TMEM132D: variants seen among roughly 807,000 people sequenced by gnomAD.
TMEM132D encodes the protein mature OL transmembrane protein.
A neutral mutation model predicts 62.3 loss-of-function variants in TMEM132D; 21 were observed. The observed-to-expected ratio is 0.34, with a 90% CI of 0.24 to 0.49. The LOEUF (loss-of-function observed/expected upper bound fraction) is 0.49. Ranked by LOEUF, TMEM132D falls within the 20% of genes least tolerant of loss-of-function variation. The pLI, the probability that TMEM132D is intolerant of heterozygous loss-of-function variation, is 0.99. For synonymous variants in TMEM132D, 621 were observed against 575.6 expected (o/e 1.08, Z -1.13); for missense variants, 1,346 against 1,402.8 (o/e 0.96, Z 0.65).
intron 4 of TMEM132D, among the ~76,000 whole-genome samples, chr12:129,320,939 C>CA (rs1198673012): frequency 6.7e-6 from 1 of 149,248 alleles, no homozygotes; most frequent in Non-Finnish European, 1.5e-5. Flanking sequence ...GAAAGCGAGC[C>CA]ACCCACTAGA....
chr12:129,694,385 C>T (rs977842039), intron 2 of TMEM132D, among the ~76,000 whole-genome samples: 5 of 152,146 alleles, frequency 3.3e-5, no homozygotes, highest in Non-Finnish European at 5.9e-5. Context: ...GCCACCAAAA[C>T]CAAAGAAAGT....
intron 3 of TMEM132D, among the ~76,000 whole-genome samples, chr12:129,368,872 C>A (rs1870509459): frequency 6.6e-6 from 1 of 152,094 alleles, no homozygotes; most frequent in African/African-American, 2.4e-5. Flanking sequence ...AAAACAAGTT[C>A]TTTGCCTGAT....
At position 129,269,679 on chromosome 12, in the gene TMEM132D, AC is replaced by A. The variant is rs1220199032; in HGVS notation, c.1300-60017del. On this transcript the variant is annotated intron_variant, in intron 4 of 8. Coordinates refer to ENST00000422113, the MANE Select transcript of TMEM132D (RefSeq NM_133448.3). ...ATGAGCCTGGAGACCTTCTCACTTA[AC>A]AAAACCCCCCCAGTTACCACTGTTC... 1.1e-3 allele frequency among the ~76,000 whole-genome samples: 171 copies of A among 149,900 alleles called. 1 individual carries two copies. The highest frequency in any genetic ancestry group is 4.0e-3 in the African/African-American group (163 of 40,740).
intron 2 of TMEM132D, among the ~76,000 whole-genome samples, chr12:129,547,900 C>T (rs1159780377): frequency 1.3e-5 from 2 of 152,072 alleles, no homozygotes; most frequent in African/African-American, 4.8e-5. Flanking sequence ...AGTGGGCGGC[C>T]GACTCCAGGA....
chr12:129,168,696 A>G (rs1435959211), intron 5 of TMEM132D, among the ~76,000 whole-genome samples: 3 of 152,128 alleles, frequency 2.0e-5, no homozygotes, highest in African/African-American at 4.8e-5. Context: ...GGGCTGTCCT[A>G]TGAGTCATAG....
At chr12:129,851,907 C>T (rs1229860305) in intron 1 of TMEM132D, among the ~76,000 whole-genome samples, 9 of 152,202 alleles carry the variant, frequency 5.9e-5, no homozygotes, top group African/African-American at 2.2e-4. Context: ...GAATTTTGTG[C>T]AATTTTCACA....
intron 1 of TMEM132D, among the ~76,000 whole-genome samples, chr12:129,786,615 G>T (rs535405084): frequency 3.4e-4 from 52 of 152,284 alleles, no homozygotes; most frequent in South Asian, 1.2e-3. Flanking sequence ...GAGTGGCCAG[G>T]CATGATAGCT....
At chr12:129,635,417 A>G (rs1312491897) in intron 2 of TMEM132D, among the ~76,000 whole-genome samples, 1 of 152,254 alleles carries the variant, frequency 6.6e-6, no homozygotes, top group Admixed American at 6.5e-5. Flanking sequence ...GGATGCTCAC[A>G]GCGTTGTGCA....
At chr12:129,743,250 G>C (rs984999019) in intron 1 of TMEM132D, among the ~76,000 whole-genome samples, 1 of 152,180 alleles carries the variant, frequency 6.6e-6, no homozygotes, top group African/African-American at 2.4e-5. Flanking sequence ...ATTTGGCCGT[G>C]TCTCCATCCA....
rs1172039408 is a variant in TMEM132D, at chr12:129,432,119, A to ATAGG, written c.1116-94306_1116-94303dup. On this transcript the variant is annotated intron_variant, in intron 3 of 8. Coordinates refer to ENST00000422113, the MANE Select transcript of TMEM132D (RefSeq NM_133448.3). ...TGCATATGGATGAATGAATGGATGG[A>ATAGG]TAGGTGGATGGATGGATGGATGGAT... 8.3e-4 allele frequency among the ~76,000 whole-genome samples: 120 copies of ATAGG among 144,324 alleles called. 1 individual carries two copies. Among genetic ancestry groups the ATAGG allele is most frequent in the African/African-American group, 2.8e-3 (106 of 37,972 alleles). The allele number at this position is 144,324 out of a possible 152,430, so 94.7% of individuals were successfully genotyped here. A position where few individuals can be genotyped will look rare whatever the true frequency, so the allele number is the denominator to read the frequency against.
At chr12:129,842,152 G>T (rs1436109206) in intron 1 of TMEM132D, among the ~76,000 whole-genome samples, 1 of 101,630 alleles carries the variant, frequency 9.8e-6, no homozygotes, top group African/African-American at 4.0e-5. Context: ...GTTTCACCTT[G>T]TTAGCCAGGA....
chr12:129,720,362 C>G (rs1376758218), intron 1 of TMEM132D, among the ~76,000 whole-genome samples: 2 of 152,220 alleles, frequency 1.3e-5, no homozygotes, highest in Non-Finnish European at 2.9e-5. Context: ...CATTTGCACT[C>G]ACTCACTTAA....
chr12:129,318,784 T>TTGCTGC (rs573602458), intron 4 of TMEM132D, among the ~76,000 whole-genome samples: 2 of 151,940 alleles, frequency 1.3e-5, no homozygotes, highest in Non-Finnish European at 2.9e-5. Flanking sequence ...TGGGTGGGTC[T>TTGCTGC]TGCTGCTGCT....
chr12:129,902,195 T>C (rs1368581157), intron 1 of TMEM132D, among the ~76,000 whole-genome samples: 1 of 152,216 alleles, frequency 6.6e-6, no homozygotes, highest in African/African-American at 2.4e-5. Context: ...CTGGAAGAAC[T>C]CAGAGAACAG....
chr12:129,683,255 T>C (rs1471877498), intron 2 of TMEM132D, among the ~76,000 whole-genome samples: 1 of 152,202 alleles, frequency 6.6e-6, no homozygotes, highest in Non-Finnish European at 1.5e-5. Flanking sequence ...GCTTTCAATA[T>C]CTTAAATTAA....
At chr12:129,360,511 G>A (rs1193001691) in intron 3 of TMEM132D, among the ~76,000 whole-genome samples, 1 of 152,194 alleles carries the variant, frequency 6.6e-6, no homozygotes, top group Non-Finnish European at 1.5e-5. Flanking sequence ...GACGAGGGGA[G>A]CAGGCAGGGA....
chr12:129,461,318 T>C (rs1873661411), intron 3 of TMEM132D, among the ~76,000 whole-genome samples: 1 of 151,942 alleles, frequency 6.6e-6, no homozygotes, highest in African/African-American at 2.4e-5. Flanking sequence ...AGGTATACAA[T>C]TGTACCTGAG....
chr12:129,197,290 C>T (rs1197000425), intron 5 of TMEM132D, among the ~76,000 whole-genome samples: 2 of 152,132 alleles, frequency 1.3e-5, no homozygotes, highest in Non-Finnish European at 2.9e-5. Flanking sequence ...ATCTCATCCC[C>T]AAGCAGGCAG....
At chr12:129,442,476 G>A (rs995011194) in intron 3 of TMEM132D, among the ~76,000 whole-genome samples, 12 of 152,160 alleles carry the variant, frequency 7.9e-5, no homozygotes, top group Middle Eastern at 3.2e-3. Flanking sequence ...CCGACCTCCT[G>A]AGAGATGAAA....
Sources: gnomAD v4.1 joint callset for allele counts (sites outside exome capture counted in the v4.1 genomes callset) on GRCh38, gnomAD v4.1.1 for gene constraint, MANE v1.5 for transcripts, NCBI Gene and HGNC (gene_info 2026-07-23, HGNC 2026-07-21) for gene names.